Variants in NEDD4L observed in about 807,000 individuals in gnomAD.
NEDD4L encodes NEDD4 like E3 ubiquitin protein ligase.
NEDD4L carries 54 observed loss-of-function variants against 148.9 expected under a neutral mutation model. The ratio of observed to expected loss-of-function variants is 0.36; its 90% CI spans 0.29 to 0.45. The LOEUF is 0.45. Among genes scored for constraint, NEDD4L ranks in the 20% least tolerant of loss-of-function variants. The pLI, the probability that NEDD4L is intolerant of heterozygous loss-of-function variation, is 1.00. For missense variants in NEDD4L, 856 were observed against 1,233.8 expected, an observed-to-expected ratio of 0.69 and a Z score of 4.59; for synonymous variants, 433 against 440.7, an observed-to-expected ratio of 0.98 and a Z score of 0.22.
At chr18:58,312,751 A>G (rs1601077376) in intron 5 of NEDD4L, among the ~76,000 whole-genome samples, 1 of 151,554 alleles carries the variant, frequency 6.6e-6, no homozygotes, top group African/African-American at 2.4e-5. Context: ...CATGATCTCA[A>G]CTCACTGCAA....
intron 5 of NEDD4L, among the ~76,000 whole-genome samples, chr18:58,273,594 G>A (rs2051401669): frequency 3.3e-5 from 5 of 152,126 alleles, no homozygotes; most frequent in Admixed American, 3.3e-4. Context: ...GGAGTTTAAG[G>A]CCTTTTCATT....
chr18:58,270,193 G>A (rs1458384448), intron 5 of NEDD4L, among the ~76,000 whole-genome samples: 2 of 152,112 alleles, frequency 1.3e-5, no homozygotes, highest in African/African-American at 4.8e-5. Flanking sequence ...TGAAAGTGTT[G>A]GCCAGTTGTC....
chr18:58,064,464 T>C (rs1355085085), intron 1 of NEDD4L, among the ~76,000 whole-genome samples: 1 of 152,192 alleles, frequency 6.6e-6, no homozygotes, highest in Non-Finnish European at 1.5e-5. Flanking sequence ...TCATCTGTGC[T>C]CAGGAAGTCA....
At chr18:58,047,579 G>C (rs189991476) in intron 1 of NEDD4L, 1 of 889,006 alleles carries the variant, frequency 1.1e-6, no homozygotes, top group Non-Finnish European at 1.3e-6. Flanking sequence ...TGTGTGTTTC[G>C]GGCGGAGGTT....
At position 58,256,516 on chromosome 18, in the gene NEDD4L, CGAGCGAGG is replaced by C; in HGVS notation, c.297+4467_297+4474del. On this transcript the variant is annotated intron_variant, in intron 5 of 30. Coordinates refer to ENST00000400345, the MANE Select transcript of NEDD4L (RefSeq NM_001144967.3). This position sits in a 1 kb window ranked among gnomAD's most constrained non-coding sequence, Gnocchi z 5.2. ...CCTCGTACCCCACGCAGCCCCGAAG[CGAGCGAGG>C]GAGCCCCACGGAAGATCGGGGAGCC... The C allele has an allele frequency of 8.1e-7, 1 of 1,232,272 alleles. No homozygotes were observed. Among genetic ancestry groups the C allele is most frequent in the South Asian group, 4.1e-5 (1 of 24,324 alleles). The allele number at this position is 1,232,272 out of a possible 1,614,324, so 76.3% of individuals were successfully genotyped here. A position where few individuals can be genotyped will look rare whatever the true frequency, so the allele number is the denominator to read the frequency against.
At chr18:58,177,704 C>A (rs2038344736) in intron 2 of NEDD4L, among the ~76,000 whole-genome samples, 2 of 152,178 alleles carry the variant, frequency 1.3e-5, no homozygotes, top group South Asian at 4.1e-4. Flanking sequence ...AATCTTGAAT[C>A]CATTTGGGAA....
At chr18:58,301,527 T>C (rs2056458096) in intron 5 of NEDD4L, among the ~76,000 whole-genome samples, 1 of 152,236 alleles carries the variant, frequency 6.6e-6, no homozygotes, top group South Asian at 2.1e-4. Context: ...TCAGACCTTA[T>C]GCTAGTTTTG....
At chr18:58,129,632 T>C (rs2031722802) in intron 1 of NEDD4L, among the ~76,000 whole-genome samples, 1 of 152,230 alleles carries the variant, frequency 6.6e-6, no homozygotes, top group African/African-American at 2.4e-5. Flanking sequence ...TTGGGAAGAT[T>C]TGTCGCAGAG....
At chr18:58,167,513 A>G (rs763365689) in intron 2 of NEDD4L, among the ~76,000 whole-genome samples, 1 of 152,172 alleles carries the variant, frequency 6.6e-6, no homozygotes, top group Admixed American at 6.5e-5. Flanking sequence ...TGATATTCCT[A>G]TATCAAAGCG....
At chr18:58,341,533 CATT>C (rs1322298958) in intron 14 of NEDD4L, 142 bp from the exon 15 acceptor site, 6 of 829,036 alleles carry the variant, frequency 7.2e-6, no homozygotes, top group African/African-American at 5.2e-5. Context: ...TTTCCCCCAT[CATT>C]ATGTTTAATT....
At chr18:58,275,462 C>G (rs2051757037) in intron 5 of NEDD4L, among the ~76,000 whole-genome samples, 1 of 152,200 alleles carries the variant, frequency 6.6e-6, no homozygotes, top group Non-Finnish European at 1.5e-5. Context: ...CCACACACAT[C>G]TTACTAGACC....
rs2050633542 is a variant in NEDD4L at position 58,398,400 on chromosome 18, A to G, written c.*2131A>G. 1 of 152,122 alleles carries G rather than the reference A, an allele frequency of 6.6e-6. No homozygotes were observed. The highest frequency in any genetic ancestry group is 1.5e-5 in the Non-Finnish European group (1 of 68,034). 9.4% of individuals were successfully genotyped at this position (152,122 alleles called of 1,614,324 possible). ...GTGTAATTGTAGAGGGAGAAATCCA[A>G]TTCTAACCTAAGAACTGGGATTCTT... is the stretch of plus-strand genomic sequence containing the variant. On this transcript the variant is annotated 3_prime_UTR_variant, in exon 31 of 31. Coordinates refer to ENST00000400345, the MANE Select transcript of NEDD4L (RefSeq NM_001144967.3).
At chr18:58,326,268 A>G (rs1006214193) in intron 9 of NEDD4L, among the ~76,000 whole-genome samples, 8 of 152,180 alleles carry the variant, frequency 5.3e-5, no homozygotes, top group Non-Finnish European at 8.8e-5. Flanking sequence ...CTGAGCCCCC[A>G]GGTGGGTTCT....
intron 5 of NEDD4L, among the ~76,000 whole-genome samples, chr18:58,299,853 T>A (rs899546365): frequency 6.6e-6 from 1 of 152,196 alleles, no homozygotes; most frequent in Non-Finnish European, 1.5e-5. Flanking sequence ...GGCTCAAATT[T>A]ATGATTTATC....
chr18:58,224,607 G>A (rs944561737), intron 2 of NEDD4L, among the ~76,000 whole-genome samples: 14 of 152,278 alleles, frequency 9.2e-5, no homozygotes, highest in South Asian at 2.1e-4. Context: ...TTTGGGCACC[G>A]TCCTGTGTGG....
chr18:58,317,338 G>A (rs912505683), intron 6 of NEDD4L, among the ~76,000 whole-genome samples: 6 of 152,166 alleles, frequency 3.9e-5, no homozygotes, highest in African/African-American at 9.7e-5. Flanking sequence ...CAAAGACCTC[G>A]CATCCTTCTA....
chr18:58,133,102 C>G (rs2032380772), intron 1 of NEDD4L, among the ~76,000 whole-genome samples: 1 of 152,212 alleles, frequency 6.6e-6, no homozygotes, highest in Admixed American at 6.5e-5. Context: ...TGAGTAAATT[C>G]TGTCAAAAGA....
intron 6 of NEDD4L, 117 bp downstream of exon 6, chr18:58,316,149 G>A: frequency 2.4e-6 from 2 of 838,612 alleles, no homozygotes; most frequent in Admixed American, 4.0e-5. Context: ...CTGAAATGAA[G>A]CACGTGTGCT....
intron 5 of NEDD4L, among the ~76,000 whole-genome samples, chr18:58,259,748 C>A (rs1274146324): frequency 2.0e-5 from 3 of 152,214 alleles, no homozygotes; most frequent in African/African-American, 4.8e-5. Context: ...AGCAGTAATT[C>A]TAACACCTAC....
Sources: allele counts gnomAD v4.1 joint callset (sites outside exome capture counted in the v4.1 genomes callset), GRCh38; gene constraint gnomAD v4.1.1; non-coding constraint Gnocchi (gnomAD v3.1); transcripts MANE v1.5; gene names NCBI Gene and HGNC (gene_info 2026-07-23, HGNC 2026-07-21).